Variants in NEO1 observed in about 807,000 individuals in gnomAD.
The protein encoded by NEO1 is neogenin.
Under a neutral mutation model 159.7 loss-of-function variants are expected in NEO1, and 63 were observed. That is an observed-to-expected ratio of 0.39 (90% CI 0.32 to 0.49). NEO1 has a LOEUF of 0.49. Among genes scored for constraint, NEO1 ranks in the 20% least tolerant of loss-of-function variants. The probability of loss-of-function intolerance (pLI) is 0.85; values close to 1 mark genes in which losing one functional copy is unlikely to be tolerated. For missense variants in NEO1, 1,615 were observed against 1,831.0 expected, an observed-to-expected ratio of 0.88 and a Z score of 2.15; for synonymous variants, 633 against 662.0, an observed-to-expected ratio of 0.96 and a Z score of 0.67.
intron 5 of NEO1, among the ~76,000 whole-genome samples, chr15:73,137,990 T>G (rs551191371): frequency 1.1e-3 from 160 of 152,302 alleles, no homozygotes; most frequent in Non-Finnish European, 1.6e-3. Flanking sequence ...GGGAAATATT[T>G]GAAGAAATAA....
At chr15:73,205,915 TG>T (rs1285144068) in intron 7 of NEO1, among the ~76,000 whole-genome samples, 4 of 152,094 alleles carry the variant, frequency 2.6e-5, no homozygotes, top group Admixed American at 6.5e-5. Flanking sequence ...ATTTTTTTTT[TG>T]TTTTTTTTTG....
At chr15:73,165,869 T>C (rs539315377) in intron 5 of NEO1, among the ~76,000 whole-genome samples, 151 of 152,334 alleles carry the variant, frequency 9.9e-4, no homozygotes, top group African/African-American at 3.4e-3. Context: ...CTAATGTGCA[T>C]GCAGGCGGTT....
intron 15 of NEO1, among the ~76,000 whole-genome samples, chr15:73,265,180 G>A (rs1267246082): frequency 6.6e-6 from 1 of 152,192 alleles, no homozygotes; most frequent in Non-Finnish European, 1.5e-5. Context: ...GGTGGGAGAA[G>A]ACAAGTAGTA....
At chr15:73,188,189 A>G (rs896536025) in intron 7 of NEO1, among the ~76,000 whole-genome samples, 1 of 152,058 alleles carries the variant, frequency 6.6e-6, no homozygotes, top group Non-Finnish European at 1.5e-5. Flanking sequence ...CCACTGATTA[A>G]AAGGTGAGTT....
intron 1 of NEO1, among the ~76,000 whole-genome samples, chr15:73,066,761 C>G (rs1286807873): frequency 1.3e-5 from 2 of 152,214 alleles, no homozygotes; most frequent in African/African-American, 4.8e-5. Context: ...CAGGCCCTCA[C>G]TCCAGTTTTT....
intron 7 of NEO1, among the ~76,000 whole-genome samples, chr15:73,208,891 AAAC>A (rs1021054859): frequency 2.6e-5 from 4 of 152,100 alleles, no homozygotes; most frequent in African/African-American, 9.7e-5. Context: ...ATAAAAATAA[AAAC>A]AAAAAACCTT....
chr15:73,088,806 A>G (rs2069511835), intron 1 of NEO1, among the ~76,000 whole-genome samples: 1 of 152,070 alleles, frequency 6.6e-6, no homozygotes, highest in Non-Finnish European at 1.5e-5. Flanking sequence ...ATTTTAGTTA[A>G]TTTTGGTAAA....
chr15:73,254,735 T>A lies in NEO1; in HGVS notation c.1998T>A (p.Ile666=), dbSNP rs2040253264. 2 of 1,613,942 alleles carry A rather than the reference T, an allele frequency of 1.2e-6. No homozygotes were observed. The highest frequency in any genetic ancestry group is 1.3e-5 in the African/African-American group (1 of 74,924). Residue 666 remains isoleucine, a synonymous_variant, in exon 13 of 29, where the codon ATT becomes ATA. Transcript: ENST00000261908. The part of the protein sequence containing the change: ...PPAPATQNGQ[I]TGYKIRYRKA... ...CTCCAGCCACACAAAATGGGCAGATTACTGGCTACAAGATTCGCTACCGAA... is the reference window on the plus strand; with the variant it reads ...CTCCAGCCACACAAAATGGGCAGATAACTGGCTACAAGATTCGCTACCGAA...
chr15:73,187,528 C>A, intron 7 of NEO1, among the ~76,000 whole-genome samples: 1 of 152,144 alleles, frequency 6.6e-6, no homozygotes, highest in East Asian at 1.9e-4. Flanking sequence ...GGTTGGCAAA[C>A]TTTCTGTTAA....
At chr15:73,176,738 G>C (rs2035298622) in intron 6 of NEO1, among the ~76,000 whole-genome samples, 181 bp downstream of exon 6, 1 of 152,058 alleles carries the variant, frequency 6.6e-6, no homozygotes, top group South Asian at 2.1e-4. Context: ...GAAATACTTT[G>C]GTAGCTTATG....
intron 7 of NEO1, among the ~76,000 whole-genome samples, chr15:73,233,233 C>T (rs548304052): frequency 8.5e-5 from 13 of 152,162 alleles, no homozygotes; most frequent in Non-Finnish European, 1.9e-4. Context: ...TGATAGAGAA[C>T]ACTGGGGCCA....
intron 7 of NEO1, among the ~76,000 whole-genome samples, chr15:73,189,390 A>G (rs1417739077): frequency 6.6e-6 from 1 of 152,236 alleles, no homozygotes; most frequent in East Asian, 1.9e-4. Flanking sequence ...TTGAAAATAA[A>G]AATCACCATG....
chr15:73,122,063 GTATATATATATA>G (rs200219694), intron 2 of NEO1, among the ~76,000 whole-genome samples: 37,428 of 126,382 alleles, frequency 0.3, 6,233 homozygotes, highest in Admixed American at 0.4. Context: ...GTGTGTGTGT[GTATATATATATA>G]TATATATATA....
At chr15:73,253,509 C>A in intron 12 of NEO1, 60 bp downstream of exon 12, 2 of 1,173,538 alleles carry the variant, frequency 1.7e-6, no homozygotes, top group Non-Finnish European at 2.4e-6. Context: ...CTCAGAGGGG[C>A]TTATAGAAAG....
chr15:73,261,754 T>C (rs1300520831), intron 15 of NEO1, among the ~76,000 whole-genome samples: 1 of 152,118 alleles, frequency 6.6e-6, no homozygotes, highest in East Asian at 1.9e-4. Flanking sequence ...CCAAGAAAAG[T>C]CACAATAGGC....
At chr15:73,229,435 T>C (rs938019553) in intron 7 of NEO1, among the ~76,000 whole-genome samples, 1 of 150,290 alleles carries the variant, frequency 6.7e-6, no homozygotes, top group Non-Finnish European at 1.5e-5. Flanking sequence ...GCTAGCCTTA[T>C]TTATTAGTTT....
intron 1 of NEO1, among the ~76,000 whole-genome samples, chr15:73,113,580 C>T (rs548497155): frequency 1.3e-5 from 2 of 152,282 alleles, no homozygotes; most frequent in East Asian, 3.9e-4. Context: ...TTCACAGTTT[C>T]AACAGCTGAT....
chr15:73,233,247 T>C (rs2039006120), intron 7 of NEO1, among the ~76,000 whole-genome samples: 1 of 152,192 alleles, frequency 6.6e-6, no homozygotes, highest in South Asian at 2.1e-4. Flanking sequence ...GGGGCCACAG[T>C]GGGCATGGAT....
chr15:73,122,651 T>TCAGTTG lies in NEO1; in HGVS notation c.575_576insCAGTTG (p.Leu192_Leu193insSerCys), dbSNP rs2071736621. 1 of 1,614,054 alleles carries TCAGTTG rather than the reference T, an allele frequency of 6.2e-7. No homozygotes were observed. The highest frequency in any genetic ancestry group is 1.1e-5 in the South Asian group (1 of 91,082). On this transcript the variant is annotated inframe_insertion, in exon 3 of 29. Coordinates refer to ENST00000261908, the MANE Select transcript of NEO1 (RefSeq NM_002499.4). The stretch of plus-strand genomic sequence containing the variant: ...AGGTGGGAACAGAACAGACAACCCC[T>TCAGTTG]TCTTCTGGATGATAGAGTTATCAAA...
Sources: gnomAD v4.1 joint callset for allele counts (sites outside exome capture counted in the v4.1 genomes callset) on GRCh38, gnomAD v4.1.1 for gene constraint, MANE v1.5 for transcripts, NCBI Gene and HGNC (gene_info 2026-07-23, HGNC 2026-07-21) for gene names.